The following TAOK3 variants were observed in gnomAD, a reference collection of about 807,000 sequenced individuals.
TAOK3 encodes the protein TAO kinase 3.
TAOK3 carries 40 observed loss-of-function variants against 120.4 expected under a neutral mutation model. The ratio of observed to expected loss-of-function variants is 0.33; its 90% CI spans 0.26 to 0.43. The LOEUF (loss-of-function observed/expected upper bound fraction) is 0.43, where lower values mean the gene tolerates loss of function less well. TAOK3 is among the 20% of genes least tolerant of loss of function. TAOK3 has a pLI of 1.00. For synonymous variants in TAOK3, 355 were observed against 387.5 expected (o/e 0.92, Z 0.99); for missense variants, 821 against 1,112.1 (o/e 0.74, Z 3.72).
chr12:118,290,699 G>A (rs900649835), intron 1 of TAOK3, among the ~76,000 whole-genome samples: 2 of 152,148 alleles, frequency 1.3e-5, no homozygotes, highest in African/African-American at 4.8e-5. Context: ...CCAAGTAGCT[G>A]GGACTACAGG....
At chr12:118,155,633 A>G (rs1040875063) in intron 19 of TAOK3, among the ~76,000 whole-genome samples, 1 of 152,198 alleles carries the variant, frequency 6.6e-6, no homozygotes, top group Non-Finnish European at 1.5e-5. Context: ...GGATGCTGTA[A>G]TGATCACACA....
At chr12:118,309,126 C>T (rs529265219) in intron 1 of TAOK3, among the ~76,000 whole-genome samples, 9 of 151,472 alleles carry the variant, frequency 5.9e-5, no homozygotes, top group South Asian at 2.1e-4. Flanking sequence ...GTCAGGAGTT[C>T]GAGACCAGCC....
At chr12:118,171,288 G>A (rs1416081941) in intron 17 of TAOK3, among the ~76,000 whole-genome samples, 1 of 152,156 alleles carries the variant, frequency 6.6e-6, no homozygotes, top group Non-Finnish European at 1.5e-5. Context: ...GAGCATCCTG[G>A]CTGACCTCAT....
chr12:118,288,931 A>G (rs1319194688), intron 1 of TAOK3, among the ~76,000 whole-genome samples: 2 of 151,218 alleles, frequency 1.3e-5, no homozygotes, highest in Non-Finnish European at 3.0e-5. Context: ...AAAAAAAAAA[A>G]AAAAGAAAGA....
At chr12:118,204,607 AAAGG>A (rs1320106897) in intron 11 of TAOK3, among the ~76,000 whole-genome samples, 1 of 152,240 alleles carries the variant, frequency 6.6e-6, no homozygotes, top group East Asian at 1.9e-4. Flanking sequence ...GATGAGAAAG[AAAGG>A]AAGAAAGTAT....
At chr12:118,226,520 G>A (rs1470723829) in intron 9 of TAOK3, among the ~76,000 whole-genome samples, 7 of 148,424 alleles carry the variant, frequency 4.7e-5, no homozygotes, top group African/African-American at 7.5e-5. Context: ...GTGACAGAGC[G>A]AGACTCCGTC....
chr12:118,249,805 T>A lies in TAOK3; in HGVS notation c.121-4840A>T, dbSNP rs765216726. 9.2e-5 allele frequency among the ~76,000 whole-genome samples: 14 copies of A among 151,964 alleles called. No homozygotes were observed. The South Asian group carries it at 1.0e-3, about 11-fold the overall frequency. Reference sequence around the variant, plus strand: ...TATGATCACACCACTGTACTCCAGCTTGGGTGACAGAGTGAGAGACCCTGT... The same window carrying A: ...TATGATCACACCACTGTACTCCAGCATGGGTGACAGAGTGAGAGACCCTGT... On this transcript the variant is annotated intron_variant, in intron 3 of 20. Transcript: ENST00000392533.
rs533320124 is a variant in TAOK3 at position 118,195,877 on chromosome 12, T to A, written c.1194+3174A>T. Among the ~76,000 whole-genome samples the A allele has an allele frequency of 8.6e-5, 13 of 151,990 alleles. No individual in the cohort carries two copies. In the East Asian group the frequency reaches 2.3e-3, roughly 27 times the overall value. On this transcript the variant is annotated intron_variant, in intron 13 of 20. Transcript: ENST00000392533. ...CATCCCGGCTAACACGGTGAAACCCTGTCTCTACTAAAAATACAAAAAATT... is the reference window on the plus strand; with the variant it reads ...CATCCCGGCTAACACGGTGAAACCCAGTCTCTACTAAAAATACAAAAAATT...
intron 1 of TAOK3, among the ~76,000 whole-genome samples, chr12:118,333,816 C>T (rs1407162854): frequency 6.6e-6 from 1 of 150,642 alleles, no homozygotes; most frequent in Non-Finnish European, 1.5e-5. Flanking sequence ...ATTCAGCAGT[C>T]CAGTTCTGGG....
chr12:118,179,789 C>T (rs908032588), intron 15 of TAOK3, among the ~76,000 whole-genome samples: 1 of 151,822 alleles, frequency 6.6e-6, no homozygotes, highest in African/African-American at 2.4e-5. Flanking sequence ...GGATTACAGG[C>T]ACCTGCCACC....
At chr12:118,216,106 A>T (rs2038888287) in intron 9 of TAOK3, among the ~76,000 whole-genome samples, 1 of 152,086 alleles carries the variant, frequency 6.6e-6, no homozygotes, top group Non-Finnish European at 1.5e-5. Context: ...GTTGAGGCAG[A>T]AGAATCACTT....
chr12:118,204,255 GAA>G (rs71069431), intron 11 of TAOK3, among the ~76,000 whole-genome samples: 12 of 111,616 alleles, frequency 1.1e-4, no homozygotes, highest in Admixed American at 1.9e-4. Flanking sequence ...TGACAGAATG[GAA>G]AAAAAAAAAA....
At chr12:118,350,889 A>G (rs902503803) in intron 1 of TAOK3, among the ~76,000 whole-genome samples, 1 of 150,494 alleles carries the variant, frequency 6.6e-6, no homozygotes, top group African/African-American at 2.4e-5. Context: ...AGAAAAAGAA[A>G]AAAAAAAGGC....
At chr12:118,341,605 G>C (rs1176755261) in intron 1 of TAOK3, among the ~76,000 whole-genome samples, 1 of 152,162 alleles carries the variant, frequency 6.6e-6, no homozygotes, top group Non-Finnish European at 1.5e-5. Flanking sequence ...ATCAAGTTAA[G>C]TACTTAGGAG....
chr12:118,169,729 CT>C (rs967433610), intron 17 of TAOK3, among the ~76,000 whole-genome samples: 121 of 151,252 alleles, frequency 8.0e-4, no homozygotes, highest in Non-Finnish European at 3.4e-4. Context: ...TCTCTCATAT[CT>C]TTTTTTTTGA....
At chr12:118,352,502 C>G (rs535975889) in intron 1 of TAOK3, among the ~76,000 whole-genome samples, 64 of 146,768 alleles carry the variant, frequency 4.4e-4, no homozygotes, top group African/African-American at 1.6e-3. Context: ...GAGACTCTGT[C>G]TCAAAAAAAA....
chr12:118,332,935 C>T (rs143282686), intron 1 of TAOK3, among the ~76,000 whole-genome samples: 6 of 149,162 alleles, frequency 4.0e-5, no homozygotes, highest in Admixed American at 3.4e-4. Flanking sequence ...ACCAAGGTGA[C>T]ATAGTAATTT....
chr12:118,214,904 C>T (rs1358268411), intron 9 of TAOK3, among the ~76,000 whole-genome samples: 1 of 151,986 alleles, frequency 6.6e-6, no homozygotes, highest in East Asian at 1.9e-4. Context: ...AGCCACCATG[C>T]CCGGCTAATT....
Position 118,328,605 on chromosome 12 carries a change from C to G in TAOK3, c.-194+44043G>C, listed in dbSNP as rs7966878. On this transcript the variant is annotated intron_variant, in intron 1 of 20. Transcript: ENST00000392533. ...AAACTGTATTTTACTATTAAAAAAA[C>G]AAAAACCACAGTTATTTCAGAAATT... 7.1e-3 allele frequency among the ~76,000 whole-genome samples: 1,076 copies of G among 152,050 alleles called. 8 individuals are homozygous for G. The highest frequency in any genetic ancestry group is 0.017 in the Middle Eastern group (5 of 294).
Sources: allele counts gnomAD v4.1 joint callset (sites outside exome capture counted in the v4.1 genomes callset), GRCh38; gene constraint gnomAD v4.1.1; transcripts MANE v1.5; gene names NCBI Gene and HGNC (gene_info 2026-07-23, HGNC 2026-07-21).